CEP170: variants seen among roughly 807,000 people sequenced by gnomAD.
CEP170 encodes the protein centrosomal protein of 170 kDa.
In CEP170, 21 loss-of-function variants were observed where a neutral mutation model predicts 151.9. That is an observed-to-expected ratio of 0.14 (90% CI 0.10 to 0.20). The LOEUF is 0.20. Ranked by LOEUF, CEP170 falls within the 10% of genes least tolerant of loss-of-function variation. The pLI is 1.00. For missense variants in CEP170, 964 were observed against 1,892.9 expected, an observed-to-expected ratio of 0.51 and a Z score of 9.11; for synonymous variants, 356 against 648.8, an observed-to-expected ratio of 0.55 and a Z score of 6.86.
chr1:243,212,424 G>C (rs2061891570), intron 3 of CEP170, among the ~76,000 whole-genome samples: 1 of 152,116 alleles, frequency 6.6e-6, no homozygotes. Flanking sequence ...TAAGAAAATA[G>C]AATAAAACTC....
intron 17 of CEP170, among the ~76,000 whole-genome samples, chr1:243,134,777 G>A (rs2148229590): frequency 6.6e-6 from 1 of 151,744 alleles, no homozygotes; most frequent in East Asian, 1.9e-4. Context: ...TACCAGGCAT[G>A]AGCCACTGCA....
At chr1:243,155,580 G>A (rs1025326823) in intron 14 of CEP170, among the ~76,000 whole-genome samples, 1 of 152,066 alleles carries the variant, frequency 6.6e-6, no homozygotes, top group African/African-American at 2.4e-5. Flanking sequence ...ATCTGCTTGA[G>A]TATAATCTCT....
At chr1:243,224,592 GCCT>G (rs2063082937) in intron 2 of CEP170, among the ~76,000 whole-genome samples, 2 of 152,108 alleles carry the variant, frequency 1.3e-5, no homozygotes, top group African/African-American at 4.8e-5. Flanking sequence ...AAGAATCTAT[GCCT>G]CCTCCATCTG....
rs547381505 is a variant in CEP170 at position 243,241,973 on chromosome 1, A to G, written c.-42+13067T>C. 1.2e-4 allele frequency among the ~76,000 whole-genome samples: 19 copies of G among 152,184 alleles called. 1 individual carries two copies. In the South Asian group the frequency reaches 3.3e-3, roughly 27 times the overall value. On this transcript the variant is annotated intron_variant, in intron 1 of 19. Coordinates refer to ENST00000366542, the MANE Select transcript of CEP170 (RefSeq NM_014812.3). ...GAAAAGCACAATGTACTGATTTAGA[A>G]TGCAGACTGGAGGAGGAGACTACAA...
At chr1:243,220,001 T>G (rs1399722652) in intron 3 of CEP170, among the ~76,000 whole-genome samples, 1 of 152,046 alleles carries the variant, frequency 6.6e-6, no homozygotes, top group Non-Finnish European at 1.5e-5. Flanking sequence ...CAAAGAGGAG[T>G]TGAGAATCAA....
intron 2 of CEP170, among the ~76,000 whole-genome samples, chr1:243,223,892 T>C (rs1038779516): frequency 7.6e-4 from 115 of 152,262 alleles, no homozygotes; most frequent in African/African-American, 2.6e-3. Flanking sequence ...TTAGTTATTA[T>C]GAAATGTATA....
At chr1:243,216,692 TAGAG>T (rs752623112) in intron 3 of CEP170, among the ~76,000 whole-genome samples, 1 of 152,262 alleles carries the variant, frequency 6.6e-6, no homozygotes, top group East Asian at 1.9e-4. Context: ...AGCATATATA[TAGAG>T]ATAGGGGAAT....
chr1:243,226,175 A>AGG (rs2063269908), intron 1 of CEP170, among the ~76,000 whole-genome samples: 1 of 38,114 alleles, frequency 2.6e-5, no homozygotes, highest in South Asian at 1.4e-3. Flanking sequence ...ATAGATATAT[A>AGG]TATATCTAGA....
At chr1:243,191,711 A>C (rs1317456942) in intron 7 of CEP170, among the ~76,000 whole-genome samples, 1 of 152,160 alleles carries the variant, frequency 6.6e-6, no homozygotes, top group African/African-American at 2.4e-5. Context: ...GATGGAAGAT[A>C]AGCAGCAGCA....
At chr1:243,231,204 T>C (rs1380417113) in intron 1 of CEP170, among the ~76,000 whole-genome samples, 2 of 151,526 alleles carry the variant, frequency 1.3e-5, no homozygotes, top group African/African-American at 4.8e-5. Context: ...ATTATTATTA[T>C]TATCATCATT....
intron 1 of CEP170, among the ~76,000 whole-genome samples, chr1:243,254,652 C>A (rs1002251421): frequency 6.6e-6 from 1 of 152,198 alleles, no homozygotes; most frequent in African/African-American, 2.4e-5. Context: ...CCGCACCCCT[C>A]GCAAACTGCT....
chr1:243,244,492 C>T (rs2065172050), intron 1 of CEP170, among the ~76,000 whole-genome samples: 1 of 152,188 alleles, frequency 6.6e-6, no homozygotes, highest in South Asian at 2.1e-4. Context: ...CCTGTAATCA[C>T]AGCACTTTGG....
intron 13 of CEP170, among the ~76,000 whole-genome samples, chr1:243,161,266 A>C (rs899650328): frequency 1.7e-4 from 25 of 151,210 alleles, no homozygotes; most frequent in Non-Finnish European, 2.7e-4. Flanking sequence ...TTGTGCCATT[A>C]CACTCCAGCC....
At chr1:243,226,074 T>A (rs1572473852) in intron 1 of CEP170, among the ~76,000 whole-genome samples, 1 of 145,830 alleles carries the variant, frequency 6.9e-6, no homozygotes, top group Admixed American at 6.9e-5. Context: ...TATATCTATA[T>A]CTAGATATAA....
chr1:243,134,780 C>A (rs2054846633), intron 17 of CEP170, among the ~76,000 whole-genome samples: 1 of 151,984 alleles, frequency 6.6e-6, no homozygotes, highest in South Asian at 2.1e-4. Flanking sequence ...CAGGCATGAG[C>A]CACTGCACCC....
At chr1:243,204,671 T>C (rs1209021475) in intron 4 of CEP170, among the ~76,000 whole-genome samples, 1 of 152,194 alleles carries the variant, frequency 6.6e-6, no homozygotes, top group Non-Finnish European at 1.5e-5. Flanking sequence ...CACCCATCTC[T>C]TAATATTGGA....
At chr1:243,186,645 G>A (rs2059955278) in intron 8 of CEP170, 1 of 500,594 alleles carries the variant, frequency 2.0e-6, no homozygotes, top group Non-Finnish European at 3.5e-6. Flanking sequence ...GAATAGGATC[G>A]CCTTTCTCCA....
intron 10 of CEP170, among the ~76,000 whole-genome samples, chr1:243,184,450 TC>T (rs2059816628): frequency 6.6e-6 from 1 of 151,222 alleles, no homozygotes; most frequent in African/African-American, 2.4e-5. Flanking sequence ...TTAAGAAACA[TC>T]AGATGTTTCT....
chr1:243,201,650 GA>G lies in CEP170; in HGVS notation c.275-816del, dbSNP rs550762526. On this transcript the variant is annotated intron_variant, in intron 4 of 19. Coordinates refer to ENST00000366542, the MANE Select transcript of CEP170 (RefSeq NM_014812.3). ...CTGTAACTATCATGACTACTTGGGG[GA>G]AAAAGATGACTTCCCAAGCATAAGG... 2.5e-3 allele frequency among the ~76,000 whole-genome samples: 387 copies of G among 152,210 alleles called. 1 individual carries two copies. The highest frequency in any genetic ancestry group is 8.8e-3 in the African/African-American group (364 of 41,536).
Sources: gnomAD v4.1 joint callset for allele counts (sites outside exome capture counted in the v4.1 genomes callset) on GRCh38, gnomAD v4.1.1 for gene constraint, MANE v1.5 for transcripts, NCBI Gene and HGNC (gene_info 2026-07-23, HGNC 2026-07-21) for gene names.